The following RSPO2 variants were observed in gnomAD, a reference collection of about 807,000 sequenced individuals.
RSPO2 encodes R-spondin 2.
RSPO2 carries 14 observed loss-of-function variants against 30.9 expected under a neutral mutation model. The observed-to-expected ratio is 0.45, with a 90% CI of 0.30 to 0.71. The LOEUF is 0.71. Ranked by LOEUF, RSPO2 falls within the 30% of genes least tolerant of loss-of-function variation. RSPO2 has a pLI of 0.08. For synonymous variants in RSPO2, 107 were observed against 96.4 expected (o/e 1.11, Z -0.64); for missense variants, 264 against 301.9 (o/e 0.87, Z 0.93).
At chr8:107,994,351 T>A (rs932304853) in intron 2 of RSPO2, among the ~76,000 whole-genome samples, 2 of 152,146 alleles carry the variant, frequency 1.3e-5, no homozygotes, top group African/African-American at 4.8e-5. Context: ...TTTTGAAGAT[T>A]CCATAAATTA....
At chr8:108,046,707 A>G (rs1811917453) in intron 2 of RSPO2, among the ~76,000 whole-genome samples, 1 of 152,320 alleles carries the variant, frequency 6.6e-6, no homozygotes, top group South Asian at 2.1e-4. Flanking sequence ...CTTCAAGTCT[A>G]TAATTCAAGT....
chr8:107,925,695 G>A (rs1452719877), intron 5 of RSPO2, among the ~76,000 whole-genome samples: 1 of 151,894 alleles, frequency 6.6e-6, no homozygotes, highest in African/African-American at 2.4e-5. Flanking sequence ...GAGAATGATG[G>A]TTTCCAGCTT....
intron 3 of RSPO2, among the ~76,000 whole-genome samples, chr8:107,964,919 CTGAATGGCACA>C (rs1448612915): frequency 4.6e-5 from 7 of 152,066 alleles, no homozygotes; most frequent in Admixed American, 4.6e-4. Flanking sequence ...TTTTTCTCAC[CTGAATGGCACA>C]TTAGGCCTAC....
intron 2 of RSPO2, among the ~76,000 whole-genome samples, chr8:108,037,205 T>C (rs1015833438): frequency 6.6e-6 from 1 of 152,094 alleles, no homozygotes; most frequent in Non-Finnish European, 1.5e-5. Context: ...AAAGGAAAAG[T>C]TCTTGAAGAA....
chr8:107,929,359 G>C (rs1812480530), intron 5 of RSPO2, among the ~76,000 whole-genome samples: 1 of 152,170 alleles, frequency 6.6e-6, no homozygotes, highest in African/African-American at 2.4e-5. Context: ...TTACCAAAAA[G>C]AAATTACATC....
intron 3 of RSPO2, among the ~76,000 whole-genome samples, chr8:107,988,721 A>G (rs1336628770): frequency 6.6e-6 from 1 of 152,002 alleles, no homozygotes; most frequent in Admixed American, 6.5e-5. Context: ...TCCGCCTCCC[A>G]GGTTCAAGTG....
chr8:107,931,996 G>A lies in RSPO2; in HGVS notation c.616+26084C>T, dbSNP rs967770069. The stretch of plus-strand genomic sequence containing the variant: ...ACTACCATAATAGAATAAATGCAAT[G>A]TATGTTTTTTTTAAAAGACTATCTC... On this transcript the variant is annotated intron_variant, in intron 5 of 5. Coordinates refer to ENST00000276659, the MANE Select transcript of RSPO2 (RefSeq NM_178565.5). Among the ~76,000 whole-genome samples, 37 of 152,146 alleles carry A rather than the reference G, an allele frequency of 2.4e-4. 1 individual carries two copies. The highest frequency in any genetic ancestry group is 2.9e-4 in the Non-Finnish European group (20 of 68,018).
chr8:107,982,991 G>A (rs1207430786), intron 3 of RSPO2: 11 of 590,064 alleles, frequency 1.9e-5, no homozygotes, highest in South Asian at 9.2e-5. Flanking sequence ...CAGCGCCTAC[G>A]ACTGGCTCCT....
chr8:107,950,567 A>G (rs1813210365), intron 5 of RSPO2, among the ~76,000 whole-genome samples: 1 of 151,856 alleles, frequency 6.6e-6, no homozygotes, highest in African/African-American at 2.4e-5. Context: ...TGGGCAGGAT[A>G]TATGGACACA....
chr8:107,979,329 C>T (rs377467470), intron 3 of RSPO2, among the ~76,000 whole-genome samples: 1 of 152,300 alleles, frequency 6.6e-6, no homozygotes, highest in African/African-American at 2.4e-5. Context: ...GGCACATATA[C>T]ACCATGGAAT....
intron 2 of RSPO2, among the ~76,000 whole-genome samples, chr8:108,015,593 G>A (rs2130597943): frequency 6.6e-6 from 1 of 152,148 alleles, no homozygotes; most frequent in East Asian, 1.9e-4. Context: ...CTGGATTTCT[G>A]ACCACTCTTG....
intron 2 of RSPO2, among the ~76,000 whole-genome samples, chr8:108,015,223 G>C (rs1810846087): frequency 6.6e-6 from 1 of 152,020 alleles, no homozygotes; most frequent in African/African-American, 2.4e-5. Context: ...TATTTAATCT[G>C]GTTAATGGCT....
chr8:108,027,669 T>C (rs1347427927), intron 2 of RSPO2, among the ~76,000 whole-genome samples: 1 of 152,222 alleles, frequency 6.6e-6, no homozygotes, highest in African/African-American at 2.4e-5. Context: ...GATTGAATTC[T>C]AAATAACTCT....
chr8:107,912,709 G>A (rs1160006903), intron 5 of RSPO2, among the ~76,000 whole-genome samples: 1 of 152,124 alleles, frequency 6.6e-6, no homozygotes, highest in Non-Finnish European at 1.5e-5. Context: ...TGGGGCTTCT[G>A]CCTAACTAAG....
At chr8:108,058,083 G>C (rs892389305) in intron 2 of RSPO2, among the ~76,000 whole-genome samples, 4 of 151,818 alleles carry the variant, frequency 2.6e-5, no homozygotes, top group Non-Finnish European at 4.4e-5. Context: ...TCCAGTTTTT[G>C]CCCATTCAGT....
chr8:108,010,439 T>C (rs927729492), intron 2 of RSPO2, among the ~76,000 whole-genome samples: 4 of 152,026 alleles, frequency 2.6e-5, no homozygotes, highest in Non-Finnish European at 5.9e-5. Flanking sequence ...ACGCGAGACA[T>C]GGTAGTAAGA....
At chr8:108,022,213 T>C (rs1811080386) in intron 2 of RSPO2, among the ~76,000 whole-genome samples, 1 of 152,174 alleles carries the variant, frequency 6.6e-6, no homozygotes, top group Non-Finnish European at 1.5e-5. Flanking sequence ...GCTCCATCTT[T>C]AGTACCTTTC....
chr8:107,901,803 T>C (rs1374979659), intron 5 of RSPO2, among the ~76,000 whole-genome samples: 2 of 152,232 alleles, frequency 1.3e-5, no homozygotes, highest in Non-Finnish European at 2.9e-5. Context: ...TTGTTATTAA[T>C]GGAGAGCAAG....
intron 2 of RSPO2, among the ~76,000 whole-genome samples, chr8:108,054,048 T>A (rs1250599574): frequency 2.6e-5 from 4 of 152,204 alleles, no homozygotes; most frequent in African/African-American, 9.6e-5. Flanking sequence ...AGTATTTATA[T>A]GATGCATTTG....
Sources: allele counts gnomAD v4.1 joint callset (sites outside exome capture counted in the v4.1 genomes callset), GRCh38; gene constraint gnomAD v4.1.1; transcripts MANE v1.5; gene names NCBI Gene and HGNC (gene_info 2026-07-23, HGNC 2026-07-21).